RGS3: variants seen among roughly 807,000 people sequenced by gnomAD.
The protein encoded by RGS3 is regulator of G protein signaling 3, also known as regulator of G-protein signalling 3.
In RGS3, 80 loss-of-function variants were observed where a neutral mutation model predicts 132.6. That is an observed-to-expected ratio of 0.60 (90% CI 0.50 to 0.73). The LOEUF is 0.73. Ranked by LOEUF, RGS3 falls within the 30% of genes least tolerant of loss-of-function variation. The probability of loss-of-function intolerance (pLI) is 0.00; values close to 1 mark genes in which losing one functional copy is unlikely to be tolerated. For missense variants in RGS3, 1,382 were observed against 1,530.8 expected (o/e 0.90, Z 1.62); for synonymous variants, 598 against 620.6 (o/e 0.96, Z 0.54).
chr9:113,492,679 T>G (rs1039773660), intron 7 of RGS3, among the ~76,000 whole-genome samples: 2 of 152,178 alleles, frequency 1.3e-5, no homozygotes, highest in African/African-American at 4.8e-5. Context: ...TGAGCGCTAG[T>G]TCCCAAGTTT....
chr9:113,485,524 C>T (rs1370642377), intron 6 of RGS3, 101 bp from the exon 5 acceptor site: 12 of 778,044 alleles, frequency 1.5e-5, no homozygotes, highest in East Asian at 5.4e-5. Context: ...CAGCTGTTGA[C>T]GTTACTTCCA....
In RGS3 at chr9:113,507,023, T is replaced by G. The variant is rs80204071; in HGVS notation, c.1086-264T>G. Among the ~76,000 whole-genome samples, 3,787 of 152,254 alleles carry G rather than the reference T, an allele frequency of 0.025. 68 individuals are homozygous for G. The highest frequency in any genetic ancestry group is 0.037 in the Admixed American group (572 of 15,290). ...CTTTTGATAAGCATCATGGATTGAG[T>G]ATGGAACTCTTTCCTGTTGAAACTG... On this transcript the variant is annotated intron_variant, in intron 12 of 24. Coordinates refer to ENST00000350696, the Ensembl canonical transcript of RGS3. This position sits in a 1 kb window ranked among gnomAD's most constrained non-coding sequence, Gnocchi z 5.0.
intron 4 of RGS3, 42 bp from the exon 3 acceptor site, chr9:113,483,015 GTA>G: frequency 6.2e-7 from 1 of 1,612,664 alleles, no homozygotes; most frequent in Non-Finnish European, 8.5e-7. Flanking sequence ...GTGTGTGTGT[GTA>G]TGTTTCCATT....
At chr9:113,508,010 G>A (rs1056728439) in intron 13 of RGS3, among the ~76,000 whole-genome samples, 1 of 152,202 alleles carries the variant, frequency 6.6e-6, no homozygotes, top group African/African-American at 2.4e-5. Flanking sequence ...TGGGATGATG[G>A]AGTGCGCTCC....
At chr9:113,468,992 T>C (rs1349503130) in intron 3 of RGS3, among the ~76,000 whole-genome samples, 2 of 151,322 alleles carry the variant, frequency 1.3e-5, no homozygotes, top group Admixed American at 6.6e-5. Flanking sequence ...GTTGGGAAGA[T>C]GTGGTTCTGG....
rs375725038 is a variant in RGS3 at position 113,576,906 on chromosome 9, T to TC, written c.2038-6543dup. 7.2e-5 allele frequency among the ~76,000 whole-genome samples: 11 copies of TC among 152,298 alleles called. No individual in the cohort carries two copies. The East Asian group carries it at 2.1e-3, about 29-fold the overall frequency. On this transcript the variant is annotated intron_variant, in intron 19 of 24. Coordinates refer to ENST00000350696, the Ensembl canonical transcript of RGS3. ...TCATCCTGGTGGGGGATGACAGTGG[T>TC]CTAGAGGGAAGTGGCAGCAGTGGAC...
chr9:113,576,355 CAG>C (rs1834524361), intron 19 of RGS3, among the ~76,000 whole-genome samples: 1 of 140,114 alleles, frequency 7.1e-6, no homozygotes, highest in African/African-American at 2.7e-5. Flanking sequence ...TTTTTTGAGA[CAG>C]AGTCTTGCTC....
chr9:113,582,124 C>G, intron 19 of RGS3: 2 of 985,498 alleles, frequency 2.0e-6, no homozygotes, highest in Non-Finnish European at 2.4e-6. Context: ...CTGCCCCAAG[C>G]CATGGCTGAA....
At chr9:113,589,235 G>A (rs530145264) in intron 20 of RGS3, 3 of 152,420 alleles carry the variant, frequency 2.0e-5, no homozygotes, top group East Asian at 3.9e-4. Context: ...GGGGAGGGAA[G>A]AGTCTGAGGA....
At chr9:113,529,876 C>T (rs76591768) in intron 18 of RGS3, among the ~76,000 whole-genome samples, 2,069 of 152,322 alleles carry the variant, frequency 0.014, 41 homozygotes, top group African/African-American at 0.048. Context: ...TGCTGAGCAA[C>T]ATCTGGCAAG....
At chr9:113,453,119 T>TGATTATATAATATACTC (rs1829292850) in intron 1 of RGS3, among the ~76,000 whole-genome samples, 1 of 132,694 alleles carries the variant, frequency 7.5e-6, no homozygotes, top group Non-Finnish European at 1.5e-5. Context: ...ACATACTCAT[T>TGATTATATAATATACTC]ATATGATTAT....
chr9:113,524,270 G>A (rs555257491), intron 17 of RGS3, among the ~76,000 whole-genome samples: 1 of 152,292 alleles, frequency 6.6e-6, no homozygotes, highest in Non-Finnish European at 1.5e-5. Context: ...CCAGCCTGCA[G>A]TGTGCATATT....
intron 5 of RGS3, 80 bp from the exon 4 acceptor site, chr9:113,484,058 T>C: frequency 3.6e-6 from 3 of 843,886 alleles, no homozygotes; most frequent in Non-Finnish European, 6.1e-6. Context: ...AGCCTTTAAC[T>C]TGGAGATGTG....
At chr9:113,501,584 G>A (rs1239358602) in intron 10 of RGS3, 9 of 1,555,466 alleles carry the variant, frequency 5.8e-6, no homozygotes, top group Admixed American at 1.9e-5. Flanking sequence ...GCCATGAACC[G>A]CTTCAATGGG....
rs1399953441 is a variant in RGS3 at position 113,591,363 on chromosome 9, G to A, written c.3046G>A (p.Asp1016Asn). The A allele has an allele frequency of 3.1e-6, 5 of 1,613,736 alleles. No individual in the cohort carries two copies. Among genetic ancestry groups the A allele is most frequent in the Non-Finnish European group, 4.2e-6 (5 of 1,179,968 alleles). ...CGGGGCTGACACCGTTGGGGATGAT[G>A]ACGAAGCCTCCCGGAAGAGAAAGAG... The change falls in exon 21 of 25, where the codon GAC becomes AAC. Residue 1016 changes from aspartate to asparagine, a missense_variant. Asp to Asn is a conservative substitution (Grantham distance 23). Transcript: ENST00000350696. The surrounding 1 kb of genome is among the most constrained non-coding windows in gnomAD (Gnocchi z 4.4).
In RGS3 at chr9:113,510,989, C is replaced by G. The variant is rs1831376552; in HGVS notation, c.1477+2409C>G. 4.6e-5 allele frequency among the ~76,000 whole-genome samples: 7 copies of G among 152,310 alleles called. No individual in the cohort carries two copies. In the South Asian group the frequency reaches 1.4e-3, roughly 32 times the overall value. ...GTGCTGGCTTCTTAGTCCCCCTCCT[C>G]TGGCTGGGCTGCCAAGAGATAGCCC... On this transcript the variant is annotated intron_variant, in intron 14 of 24. Transcript: ENST00000350696.
chr9:113,534,129 TAGA>T (rs990554854), intron 18 of RGS3, among the ~76,000 whole-genome samples: 2 of 152,192 alleles, frequency 1.3e-5, no homozygotes, highest in Non-Finnish European at 2.9e-5. Flanking sequence ...GGATGCAGGG[TAGA>T]AGAAGTCCCT....
At chr9:113,477,151 G>A (rs1467899154) in intron 3 of RGS3, among the ~76,000 whole-genome samples, 5 of 152,014 alleles carry the variant, frequency 3.3e-5, no homozygotes, top group South Asian at 2.1e-4. Flanking sequence ...CAGTTCTCCC[G>A]GCGCCTTTCA....
chr9:113,595,722 A>G (rs1835739662), exon 24 of RGS3: 1 of 1,614,088 alleles, frequency 6.2e-7, no homozygotes, highest in Non-Finnish European at 8.5e-7. Flanking sequence ...TCCAAGGCCA[A>G]GAAGATCTTT....
Sources: gnomAD v4.1 joint callset for allele counts (sites outside exome capture counted in the v4.1 genomes callset) on GRCh38, gnomAD v4.1.1 for gene constraint, Gnocchi (gnomAD v3.1) non-coding constraint, MANE v1.5 for transcripts, NCBI Gene and HGNC (gene_info 2026-07-23, HGNC 2026-07-21) for gene names.